STK24: variants seen among roughly 807,000 people sequenced by gnomAD.
STK24 encodes the protein serine/threonine kinase 24.
Under a neutral mutation model 55.6 loss-of-function variants are expected in STK24, and 21 were observed. That is an observed-to-expected ratio of 0.38 (90% CI 0.27 to 0.54). The LOEUF is 0.54. Among genes scored for constraint, STK24 ranks in the 20% least tolerant of loss-of-function variants. The probability of loss-of-function intolerance (pLI) is 0.79; values close to 1 mark genes in which losing one functional copy is unlikely to be tolerated. For missense variants in STK24, 383 were observed against 538.4 expected (o/e 0.71, Z 2.86); for synonymous variants, 200 against 215.2 (o/e 0.93, Z 0.62).
At chr13:98,519,160 G>C (rs1251979709) in intron 2 of STK24, 83 bp downstream of exon 2, 2 of 1,103,872 alleles carry the variant, frequency 1.8e-6, no homozygotes, top group Non-Finnish European at 2.7e-6. Context: ...GCTGTGCTTT[G>C]TCCTATCAGA....
chr13:98,562,629 T>C (rs1897453753), intron 1 of STK24, among the ~76,000 whole-genome samples: 1 of 152,098 alleles, frequency 6.6e-6, no homozygotes, highest in Non-Finnish European at 1.5e-5. Flanking sequence ...TTTAAAAGGG[T>C]TCCAGGCTGG....
chr13:98,466,840 C>T (rs545274932), intron 5 of STK24, among the ~76,000 whole-genome samples: 16 of 152,006 alleles, frequency 1.1e-4, no homozygotes, highest in African/African-American at 3.9e-4. Context: ...CGTGGAGTCC[C>T]GGGGGCCAGC....
intron 2 of STK24, among the ~76,000 whole-genome samples, chr13:98,503,792 T>C (rs1027256676): frequency 6.6e-6 from 1 of 152,212 alleles, no homozygotes; most frequent in Non-Finnish European, 1.5e-5. Context: ...TTTCCTTTTT[T>C]AAAACTGCAC....
chr13:98,542,063 G>A (rs1054685608), intron 1 of STK24, among the ~76,000 whole-genome samples: 1 of 152,178 alleles, frequency 6.6e-6, no homozygotes, highest in Non-Finnish European at 1.5e-5. Context: ...GGTCCACTAG[G>A]ACTTTAACCA....
At chr13:98,547,639 TG>T (rs1390153266) in intron 1 of STK24, among the ~76,000 whole-genome samples, 2 of 152,232 alleles carry the variant, frequency 1.3e-5, no homozygotes, top group Non-Finnish European at 2.9e-5. Context: ...AGACACCTCT[TG>T]TCCAGGATTC....
At chr13:98,465,251 C>A (rs547916421) in intron 6 of STK24, among the ~76,000 whole-genome samples, 1 of 152,212 alleles carries the variant, frequency 6.6e-6, no homozygotes, top group Non-Finnish European at 1.5e-5. Flanking sequence ...TCATGAGAAA[C>A]GTGGATCACC....
chr13:98,548,226 T>C (rs963994217), intron 1 of STK24, among the ~76,000 whole-genome samples: 3 of 152,208 alleles, frequency 2.0e-5, no homozygotes, highest in African/African-American at 7.2e-5. Context: ...TTTCTTATTC[T>C]CCTGGGGCTA....
intron 1 of STK24, among the ~76,000 whole-genome samples, chr13:98,524,963 G>T (rs1293089105): frequency 6.6e-6 from 1 of 152,238 alleles, no homozygotes; most frequent in East Asian, 1.9e-4. Context: ...GCAGCTGTAG[G>T]CCAGGCTAAA....
At chr13:98,461,921 C>T in intron 7 of STK24, 24 bp from the exon 8 acceptor site, 1 of 1,612,776 alleles carries the variant, frequency 6.2e-7, no homozygotes, top group Non-Finnish European at 8.5e-7. Context: ...TGCAGGAAAT[C>T]CCATCAGTGC....
intron 1 of STK24, among the ~76,000 whole-genome samples, chr13:98,550,748 T>C (rs1467314226): frequency 1.3e-5 from 2 of 152,222 alleles, no homozygotes; most frequent in African/African-American, 2.4e-5. Flanking sequence ...TTGCATGTAA[T>C]TTTGCATAAA....
intron 1 of STK24, among the ~76,000 whole-genome samples, chr13:98,535,385 A>ATG (rs1896697625): frequency 1.5e-5 from 2 of 131,128 alleles, no homozygotes; most frequent in African/African-American, 7.3e-5. Flanking sequence ...ATATATATAT[A>ATG]TATATGTGTG....
chr13:98,513,550 C>G (rs1162489168), intron 2 of STK24, among the ~76,000 whole-genome samples: 4 of 152,180 alleles, frequency 2.6e-5, no homozygotes, highest in African/African-American at 9.7e-5. Flanking sequence ...GAGAGGTACA[C>G]AGTGCCAGAT....
intron 1 of STK24, among the ~76,000 whole-genome samples, chr13:98,528,750 GCA>G (rs1177664386): frequency 6.6e-6 from 1 of 152,164 alleles, no homozygotes; most frequent in Non-Finnish European, 1.5e-5. Context: ...TGTACCACTT[GCA>G]CAGTCAAACC....
intron 2 of STK24, among the ~76,000 whole-genome samples, chr13:98,485,651 G>T (rs926242863): frequency 6.6e-6 from 1 of 152,244 alleles, no homozygotes; most frequent in Non-Finnish European, 1.5e-5. Flanking sequence ...TGTTTAAACT[G>T]TAAGTTTCTC....
intron 5 of STK24, among the ~76,000 whole-genome samples, chr13:98,466,878 G>C (rs1157798369): frequency 6.6e-6 from 1 of 152,204 alleles, no homozygotes; most frequent in Admixed American, 6.5e-5. Context: ...TGAGCAGAGA[G>C]GAGGAGTCCG....
chr13:98,486,443 A>G (rs985710129), intron 2 of STK24, among the ~76,000 whole-genome samples: 1 of 152,200 alleles, frequency 6.6e-6, no homozygotes, highest in African/African-American at 2.4e-5. Context: ...AGGTGAACAC[A>G]CGGATAAGCT....
Position 98,452,904 on chromosome 13 carries a change from G to A in STK24, c.*269C>T, listed in dbSNP as rs1893263710. ...TTAAAGACACTTTCCTGGAATATGTGCACTATGGTTAAAATTAAAAACAAA... is the reference window on the plus strand; with the variant it reads ...TTAAAGACACTTTCCTGGAATATGTACACTATGGTTAAAATTAAAAACAAA... On this transcript the variant is annotated 3_prime_UTR_variant, in exon 11 of 11. Coordinates refer to ENST00000539966, the MANE Select transcript of STK24 (RefSeq NM_001032296.4). The A allele has an allele frequency of 2.6e-6, 1 of 382,780 alleles. No individual in the cohort carries two copies. Among genetic ancestry groups the A allele is most frequent in the Non-Finnish European group, 4.7e-6 (1 of 214,962 alleles). 23.7% of individuals were successfully genotyped at this position (382,780 alleles called of 1,614,324 possible).
chr13:98,483,516 C>T (rs966945519), intron 2 of STK24, among the ~76,000 whole-genome samples: 2 of 152,156 alleles, frequency 1.3e-5, no homozygotes, highest in African/African-American at 4.8e-5. Flanking sequence ...GGTCTCACTG[C>T]GCTGACTCCA....
At chr13:98,564,686 G>C (rs988997349) in intron 1 of STK24, among the ~76,000 whole-genome samples, 8 of 152,174 alleles carry the variant, frequency 5.3e-5, no homozygotes, top group Non-Finnish European at 1.5e-5. Context: ...ATTTGTTCTA[G>C]TTCGGGGTTT....
Sources: gnomAD v4.1 joint callset for allele counts (sites outside exome capture counted in the v4.1 genomes callset) on GRCh38, gnomAD v4.1.1 for gene constraint, MANE v1.5 for transcripts, NCBI Gene and HGNC (gene_info 2026-07-23, HGNC 2026-07-21) for gene names.